Variants in ASIC2 observed in about 807,000 individuals in gnomAD.
The protein encoded by ASIC2 is acid sensing ion channel subunit 2, also known as acid-sensing ion channel 2.
ASIC2 carries 25 observed loss-of-function variants against 57.3 expected under a neutral mutation model. The observed-to-expected ratio is 0.44, with a 90% confidence interval of 0.32 to 0.61. The LOEUF (loss-of-function observed/expected upper bound fraction) is 0.61, where lower values mean the gene tolerates loss of function less well. ASIC2 is among the 20% of genes least tolerant of loss of function. ASIC2 has a pLI of 0.06. For synonymous variants in ASIC2, 319 were observed against 307.5 expected, an observed-to-expected ratio of 1.04 and a Z score of -0.39; for missense variants, 641 against 738.1, an observed-to-expected ratio of 0.87 and a Z score of 1.52.
chr17:33,598,620 C>T (rs1459089836), intron 1 of ASIC2, among the ~76,000 whole-genome samples: 4 of 152,232 alleles, frequency 2.6e-5, no homozygotes, highest in South Asian at 4.2e-4. Context: ...CAGACAATTC[C>T]CCACTTGATG....
chr17:33,229,484 C>T (rs189851934), intron 1 of ASIC2, among the ~76,000 whole-genome samples: 27 of 152,270 alleles, frequency 1.8e-4, no homozygotes, highest in African/African-American at 6.3e-4. Context: ...AGTGTTTCCA[C>T]CTGTGGGAGG....
chr17:34,064,104 T>C (rs919219235), intron 1 of ASIC2, among the ~76,000 whole-genome samples: 2 of 152,172 alleles, frequency 1.3e-5, no homozygotes, highest in Admixed American at 6.5e-5. Flanking sequence ...TCTGGAAGCA[T>C]CACACTACCT....
chr17:33,937,159 T>C (rs1368226868), intron 1 of ASIC2, among the ~76,000 whole-genome samples: 1 of 152,216 alleles, frequency 6.6e-6, no homozygotes, highest in Non-Finnish European at 1.5e-5. Context: ...TGGAGTGTAG[T>C]GGTGCAATCT....
At chr17:33,899,442 A>G (rs1162883665) in intron 1 of ASIC2, among the ~76,000 whole-genome samples, 3 of 152,154 alleles carry the variant, frequency 2.0e-5, no homozygotes, top group Non-Finnish European at 2.9e-5. Flanking sequence ...GTATTGGTCA[A>G]TTGGGGCAAT....
chr17:33,667,219 C>T (rs190035663), intron 1 of ASIC2, among the ~76,000 whole-genome samples: 68 of 152,300 alleles, frequency 4.5e-4, no homozygotes, highest in Non-Finnish European at 8.2e-4. Flanking sequence ...ACCACGCCCT[C>T]GCCAAGGGCA....
chr17:34,128,046 T>C (rs1372973081), intron 1 of ASIC2, among the ~76,000 whole-genome samples: 3 of 152,102 alleles, frequency 2.0e-5, no homozygotes, highest in African/African-American at 7.2e-5. Context: ...ATGATGATGA[T>C]ACCACATCCC....
chr17:33,834,278 G>A (rs1172076160), intron 1 of ASIC2: 1 of 152,278 alleles, frequency 6.6e-6, no homozygotes, highest in Non-Finnish European at 1.5e-5. Context: ...AGCCAGGGCA[G>A]GGAGTTTTAG....
At chr17:33,203,449 C>T (rs529274132) in intron 1 of ASIC2, among the ~76,000 whole-genome samples, 6 of 152,142 alleles carry the variant, frequency 3.9e-5, no homozygotes, top group South Asian at 2.1e-4. Flanking sequence ...TAGAATGATG[C>T]GAAGAAATGT....
chr17:33,771,068 C>G (rs935726934), intron 1 of ASIC2, among the ~76,000 whole-genome samples: 1 of 152,206 alleles, frequency 6.6e-6, no homozygotes, highest in East Asian at 1.9e-4. Flanking sequence ...GAACTAAGAG[C>G]TCTGTCCTCA....
intron 1 of ASIC2, chr17:34,005,123 T>C (rs1416721810): frequency 6.6e-6 from 1 of 152,144 alleles, no homozygotes; most frequent in Non-Finnish European, 1.5e-5. Context: ...TGCCCTTGCC[T>C]AAAAGATTCA....
intron 1 of ASIC2, chr17:34,051,858 C>T (rs8065187): frequency 1.3e-4 from 7 of 54,670 alleles, no homozygotes; most frequent in African/African-American, 3.4e-4. Context: ...TACACACACA[C>T]AGAGAGAGAG....
At chr17:33,050,122 C>A (rs1179303807) in intron 3 of ASIC2, among the ~76,000 whole-genome samples, 2 of 152,172 alleles carry the variant, frequency 1.3e-5, no homozygotes, top group East Asian at 3.9e-4. Context: ...TCAGGAACTT[C>A]AACTGAGACG....
At chr17:34,096,606 G>A (rs970147527) in intron 1 of ASIC2, among the ~76,000 whole-genome samples, 1 of 152,080 alleles carries the variant, frequency 6.6e-6, no homozygotes, top group Non-Finnish European at 1.5e-5. Context: ...TGTAATGCCA[G>A]CACTTTGGGA....
rs568295703 is a variant in ASIC2, at chr17:33,063,780, G to A, written c.987+25083C>T. ...TTTCCAATTTGGTTCCATTCTCCCC[G>A]TCACTTTCAGGTACACCAATCAGAC... On this transcript the variant is annotated intron_variant, in intron 3 of 9. Coordinates refer to ENST00000225823, the MANE Select transcript of ASIC2 (RefSeq NM_183377.2). Among the ~76,000 whole-genome samples the A allele has an allele frequency of 6.6e-3, 1,010 of 152,230 alleles. 5 individuals carry two copies. Among genetic ancestry groups the A allele is most frequent in the African/African-American group, 0.023 (956 of 41,528 alleles).
At chr17:33,258,258 G>A (rs1261958249) in intron 1 of ASIC2, among the ~76,000 whole-genome samples, 1 of 152,176 alleles carries the variant, frequency 6.6e-6, no homozygotes, top group Non-Finnish European at 1.5e-5. Context: ...TGACGTTGGG[G>A]ATATGGGGTC....
At chr17:33,479,826 T>G (rs559150348) in intron 1 of ASIC2, among the ~76,000 whole-genome samples, 19 of 152,234 alleles carry the variant, frequency 1.2e-4, no homozygotes, top group Admixed American at 4.6e-4. Context: ...CAATCCACCC[T>G]TTCCCTGTGG....
At chr17:33,115,805 C>T (rs1387178805) in intron 1 of ASIC2, among the ~76,000 whole-genome samples, 1 of 152,192 alleles carries the variant, frequency 6.6e-6, no homozygotes, top group African/African-American at 2.4e-5. Context: ...AGACTGTCAC[C>T]TTCGAGAGGG....
chr17:33,643,861 G>A (rs1183345930), intron 1 of ASIC2, among the ~76,000 whole-genome samples: 6 of 152,162 alleles, frequency 3.9e-5, no homozygotes, highest in African/African-American at 1.2e-4. Context: ...TGATAATGAC[G>A]CTCAGTAATT....
intron 1 of ASIC2, among the ~76,000 whole-genome samples, chr17:33,988,300 G>A (rs1264109076): frequency 6.6e-6 from 1 of 152,162 alleles, no homozygotes. Flanking sequence ...CTCAGTGGAA[G>A]GTAATTGAAT....
Sources: gnomAD v4.1 joint callset for allele counts (sites outside exome capture counted in the v4.1 genomes callset) on GRCh38, gnomAD v4.1.1 for gene constraint, MANE v1.5 for transcripts, NCBI Gene and HGNC (gene_info 2026-07-23, HGNC 2026-07-21) for gene names.